The following TPSG1 variants were observed in gnomAD, a reference collection of about 807,000 sequenced individuals.
TPSG1 encodes the protein tryptase gamma 1.
A neutral mutation model predicts 23.8 loss-of-function variants in TPSG1; 43 were observed. The observed-to-expected ratio is 1.81, with a 90% CI of 1.42 to 2.33. The LOEUF (loss-of-function observed/expected upper bound fraction) is 2.33. TPSG1 is among the 30% of genes most tolerant of loss of function. The pLI, the probability that TPSG1 is intolerant of heterozygous loss-of-function variation, is 0.00. For missense variants in TPSG1, 623 were observed against 438.6 expected (o/e 1.42, Z -3.75); for synonymous variants, 302 against 201.3 (o/e 1.50, Z -4.23).
At chr16:1,222,444 T>TGC in intron 4 of TPSG1, 103 bp from the exon 5 acceptor site, 1 of 1,250,704 alleles carries the variant, frequency 8.0e-7, no homozygotes, top group Non-Finnish European at 1.1e-6. Context: ...ACCACGACCC[T>TGC]CGTCACGGCA....
At position 1,222,898 on chromosome 16, in the gene TPSG1, A is replaced by G. The variant is rs1379417191; in HGVS notation, c.265T>C (p.Tyr89His). The change falls in exon 4 of 6, where the codon TAC becomes CAC. Residue 89 changes from tyrosine to histidine, a missense_variant. Physicochemically the swap from Tyr to His is moderately conservative, Grantham distance 83. Coordinates refer to ENST00000234798, the MANE Select transcript of TPSG1 (RefSeq NM_012467.4). ...TCCAGTTCCCCCAGGTGCACCTGGTAGTCGGATGAGTTCAGGGACCTGGGA... is the reference window on the plus strand; with the variant it reads ...TCCAGTTCCCCCAGGTGCACCTGGTGGTCGGATGAGTTCAGGGACCTGGGA... ...CFSGSLNSSD[Y>H]QVHLGELEIT... 7 of 1,607,510 alleles carry G rather than the reference A, an allele frequency of 4.4e-6. No homozygotes were observed. In the South Asian group the frequency reaches 7.8e-5, roughly 18 times the overall value.
rs765779080 is a variant in TPSG1 at position 1,222,893 on chromosome 16, C to G, written c.270G>C (p.Gln90His). 1.2e-6 allele frequency: 2 copies of G among 1,608,330 alleles called. No homozygotes were observed. Among genetic ancestry groups the G allele is most frequent in the Admixed American group, 3.4e-5 (2 of 59,638 alleles). The change falls in exon 4 of 6, where the codon CAG (glutamine) becomes CAC (histidine). Residue 90 changes from glutamine to histidine, a missense_variant. By Grantham distance (24) the Gln-to-His change is conservative. Transcript: ENST00000234798. The stretch of plus-strand genomic sequence containing the variant: ...TGATCTCCAGTTCCCCCAGGTGCAC[C>G]TGGTAGTCGGATGAGTTCAGGGACC... Reference protein sequence around the residue: ...FSGSLNSSDYQVHLGELEITL... With the variant: ...FSGSLNSSDYHVHLGELEITL...
chr16:1,223,417 A>G lies in TPSG1; in HGVS notation c.245+6T>C, dbSNP rs747666821. 6.3e-7 allele frequency: 1 copy of G among 1,576,932 alleles called. No individual in the cohort carries two copies. Among genetic ancestry groups the G allele is most frequent in the Non-Finnish European group, 8.6e-7 (1 of 1,163,792 alleles). ...TGAGACTGCCCCTGCCCACCCGGAC[A>G]CTCACCCGGAGAAGCAGTGGGCAGC... is the stretch of plus-strand genomic sequence containing the variant. On this transcript the variant is annotated splice_donor_region_variant and intron_variant, in intron 3 of 5. Coordinates refer to ENST00000234798, the MANE Select transcript of TPSG1 (RefSeq NM_012467.4).
chr16:1,225,176 C>G, intron 1 of TPSG1, 31 bp downstream of exon 1: 2 of 1,560,016 alleles, frequency 1.3e-6, no homozygotes, highest in Non-Finnish European at 1.7e-6. Context: ...CAGATGCCCC[C>G]CCATCCCCAC....
chr16:1,223,873 T>G, intron 2 of TPSG1: 1 of 471,348 alleles, frequency 2.1e-6, no homozygotes, highest in Non-Finnish European at 3.7e-6. Flanking sequence ...AGAGGGCCCC[T>G]AGGCGGCTAG....
intron 2 of TPSG1, 95 bp from the exon 3 acceptor site, chr16:1,223,689 CT>C: frequency 1.4e-6 from 2 of 1,410,682 alleles, no homozygotes; most frequent in Admixed American, 5.5e-5. Flanking sequence ...TCCCTGCCTT[CT>C]TGGGGACTTT....
At position 1,223,491 on chromosome 16, in the gene TPSG1, C is replaced by G. The variant is rs769127176; in HGVS notation, c.177G>C (p.Arg59Ser). ...WPWQASLRLR[R>S]VHVCGGSLLS... ...GCAGTGACCCGCCGCACACGTGCACCCTCCGCAGGCGGAGGCTGGCCTGCC... is the reference window on the plus strand; with the variant it reads ...GCAGTGACCCGCCGCACACGTGCACGCTCCGCAGGCGGAGGCTGGCCTGCC... Residue 59 changes from arginine to serine, a missense_variant, in exon 3 of 6, where the codon AGG (arginine) becomes AGC (serine). By Grantham distance (110) the Arg-to-Ser change is moderately radical. Transcript: ENST00000234798. 6.3e-7 allele frequency: 1 copy of G among 1,576,526 alleles called. No individual in the cohort carries two copies. Among genetic ancestry groups the G allele is most frequent in the Admixed American group, 1.8e-5 (1 of 55,066 alleles).
rs770173901 is a variant in TPSG1 at position 1,221,992 on chromosome 16, G to A, written c.762C>T (p.Val254=). The A allele has an allele frequency of 6.2e-7, 1 of 1,612,682 alleles. No individual in the cohort carries two copies. Among genetic ancestry groups the A allele is most frequent in the South Asian group, 1.1e-5 (1 of 91,074 alleles). ...EGCGRPNRPG[V]YTRVPAYVNW... ...TCACGTAGGCAGGGACACGAGTGTA[G>A]ACTCCCGGCCTGTTGGGGCGGCCGC... Residue 254 remains valine, a synonymous_variant, in exon 6 of 6, where the codon GTC becomes GTT. Transcript: ENST00000234798.
At position 1,222,108 on chromosome 16, in the gene TPSG1, G is replaced by A; in HGVS notation, c.658-12C>T. The stretch of plus-strand genomic sequence containing the variant: ...CCCCCGGAGTCGTCCTGAGGACAGA[G>A]AAGGCGAGCATTGGGAGCCGAGAAG... On this transcript the variant is annotated splice_polypyrimidine_tract_variant and intron_variant, in intron 5 of 5. Transcript: ENST00000234798. The A allele has an allele frequency of 6.2e-7, 1 of 1,612,686 alleles. No individual in the cohort carries two copies. The highest frequency in any genetic ancestry group is 8.5e-7 in the Non-Finnish European group (1 of 1,179,996).
chr16:1,225,226 C>G lies in TPSG1; in HGVS notation c.27G>C (p.Leu9=), dbSNP rs758572463. ...ACCCACCGGGCACAGCCAGGAGCAGCAGGAGGCCACAGGCCCCAAGGGCCA... is the reference window on the plus strand; with the variant it reads ...ACCCACCGGGCACAGCCAGGAGCAGGAGGAGGCCACAGGCCCCAAGGGCCA... MALGACGL[L]LLLAVPGVSL... The change falls in exon 1 of 6, where the codon CTG becomes CTC. Residue 9 remains leucine (L), a synonymous_variant. Coordinates refer to ENST00000234798, the MANE Select transcript of TPSG1 (RefSeq NM_012467.4). The G allele has an allele frequency of 1.9e-6, 3 of 1,577,886 alleles. No homozygotes were observed. Among genetic ancestry groups the G allele is most frequent in the Admixed American group, 1.8e-5 (1 of 54,772 alleles).
chr16:1,223,724 A>G, intron 2 of TPSG1, 130 bp from the exon 3 acceptor site: 1 of 1,132,076 alleles, frequency 8.8e-7, no homozygotes, highest in African/African-American at 1.6e-5. Flanking sequence ...CTCGTCTGCC[A>G]GACTCTCCCC....
intron 2 of TPSG1, chr16:1,224,020 C>T (rs1226552495): frequency 7.9e-6 from 2 of 252,716 alleles, no homozygotes; most frequent in South Asian, 1.2e-4. Flanking sequence ...GGGCAGACAG[C>T]ACTGTCCAAG....
chr16:1,225,247 G>A lies in TPSG1; in HGVS notation c.6C>T (p.Ala2=), dbSNP rs1231717701. The change falls in exon 1 of 6, where the codon GCC becomes GCT. Residue 2 remains alanine (A), a synonymous_variant. Coordinates refer to ENST00000234798, the MANE Select transcript of TPSG1 (RefSeq NM_012467.4). M[A]LGACGLLLLL... is the part of the protein sequence containing the mutation. ...GCAGCAGGAGGCCACAGGCCCCAAGGGCCATGGTGTCTGCCCACTGTAGGG... is the reference window on the plus strand; with the variant it reads ...GCAGCAGGAGGCCACAGGCCCCAAGAGCCATGGTGTCTGCCCACTGTAGGG... 10 of 1,573,494 alleles carry A rather than the reference G, an allele frequency of 6.4e-6. No homozygotes were observed. In the South Asian group the frequency reaches 9.3e-5, roughly 15 times the overall value.
rs763797707 is a variant in TPSG1, at chr16:1,225,210, G to T, written c.43C>A (p.Pro15Thr). 2.5e-6 allele frequency: 4 copies of T among 1,577,292 alleles called. No homozygotes were observed. The highest frequency in any genetic ancestry group is 3.4e-6 in the Non-Finnish European group (4 of 1,161,898). ...ACACCCAGGCCAGGTCACCCACCGG[G>T]CACAGCCAGGAGCAGCAGGAGGCCA... is the stretch of plus-strand genomic sequence containing the variant. ...ACGLLLLLAV[P>T]GVSLRTLQPG... Residue 15 changes from proline (P) to threonine (T), a missense_variant, in exon 1 of 6, where the codon CCC becomes ACC. By Grantham distance (38) the Pro-to-Thr change is conservative (BLOSUM62 -1). Coordinates refer to ENST00000234798, the MANE Select transcript of TPSG1 (RefSeq NM_012467.4).
At position 1,222,802 on chromosome 16, in the gene TPSG1, C is replaced by G; in HGVS notation, c.361G>C (p.Gly121Arg). The G allele has an allele frequency of 4.3e-6, 7 of 1,612,304 alleles. No homozygotes were observed. The highest frequency in any genetic ancestry group is 5.1e-6 in the Non-Finnish European group (6 of 1,179,852). The change falls in exon 4 of 6, where the codon GGG becomes CGG. Residue 121 changes from glycine (G) to arginine (R), a missense_variant. Physicochemically the swap from Gly to Arg is moderately radical, Grantham distance 125. Transcript: ENST00000234798. ...ILHSSPSGQP[G>R]TSGDIALVEL... ...ACCAGGGCGATGTCCCCGCTGGTCCCCGGCTGTCCTGAGGGGCTGGAGTGC... is the reference window on the plus strand; with the variant it reads ...ACCAGGGCGATGTCCCCGCTGGTCCGCGGCTGTCCTGAGGGGCTGGAGTGC...
At position 1,223,491 on chromosome 16, in the gene TPSG1, C is replaced by T. The variant is rs769127176; in HGVS notation, c.177G>A (p.Arg59=). The T allele has an allele frequency of 2.3e-5, 36 of 1,576,410 alleles. No homozygotes were observed. The highest frequency in any genetic ancestry group is 1.3e-4 in the Admixed American group (7 of 55,046). ...GCAGTGACCCGCCGCACACGTGCAC[C>T]CTCCGCAGGCGGAGGCTGGCCTGCC... ...WPWQASLRLR[R]VHVCGGSLLS... The change falls in exon 3 of 6, where the codon AGG becomes AGA. Residue 59 remains arginine, a synonymous_variant. Coordinates refer to ENST00000234798, the MANE Select transcript of TPSG1 (RefSeq NM_012467.4).
chr16:1,223,535 G>A lies in TPSG1; in HGVS notation c.133C>T (p.Pro45Ser). 4 of 1,549,644 alleles carry A rather than the reference G, an allele frequency of 2.6e-6. No homozygotes were observed. In the Admixed American group the frequency reaches 7.8e-5, roughly 30 times the overall value. The change falls in exon 3 of 6, where the codon CCG becomes TCG. Residue 45 changes from proline (P) to serine (S), a missense_variant. Pro to Ser is a moderately conservative substitution (Grantham distance 74, BLOSUM62 -1). Coordinates refer to ENST00000234798, the MANE Select transcript of TPSG1 (RefSeq NM_012467.4). Reference protein sequence around the residue: ...GGRIVGGHAAPAGAWPWQASL... With the variant: ...GGRIVGGHAASAGAWPWQASL... ...GCCTGCCATGGCCATGCGCCGGCCG[G>A]GGCAGCGTGACCCCCCACGATCCGG...
chr16:1,222,489 G>C, intron 4 of TPSG1, 148 bp from the exon 5 acceptor site: 1 of 1,267,438 alleles, frequency 7.9e-7, no homozygotes. Context: ...CTGCTGCTTT[G>C]GATCCACACG....
At chr16:1,224,897 A>G in intron 1 of TPSG1, 1 of 594,872 alleles carries the variant, frequency 1.7e-6, no homozygotes, top group Admixed American at 3.0e-5. Context: ...TGCTCAGGAA[A>G]GAAATCACCA....
Sources: allele counts gnomAD v4.1 joint callset, GRCh38; gene constraint gnomAD v4.1.1; transcripts MANE v1.5; gene names NCBI Gene and HGNC (gene_info 2026-07-23, HGNC 2026-07-21).